The following DCAF10 variants were observed in gnomAD, a reference collection of about 807,000 sequenced individuals.
DCAF10 encodes the protein DDB1 and CUL4 associated factor 10.
In DCAF10, 19 loss-of-function variants were observed where a neutral mutation model predicts 51.9. The ratio of observed to expected loss-of-function variants is 0.37; its 90% CI spans 0.26 to 0.54. The LOEUF (loss-of-function observed/expected upper bound fraction) is 0.54, where lower values mean the gene tolerates loss of function less well. DCAF10 is among the 20% of genes least tolerant of loss of function. The pLI is 0.87. For missense variants in DCAF10, 510 were observed against 730.6 expected (o/e 0.70, Z 3.48); for synonymous variants, 291 against 297.1 (o/e 0.98, Z 0.21).
chr9:37,840,529 A>G (rs1422226181), intron 2 of DCAF10, among the ~76,000 whole-genome samples: 1 of 149,570 alleles, frequency 6.7e-6, no homozygotes, highest in Non-Finnish European at 1.5e-5. Flanking sequence ...GGCTATAAAG[A>G]AAGAAAATAT....
At chr9:37,822,262 C>T (rs564233175) in intron 2 of DCAF10, among the ~76,000 whole-genome samples, 1 of 152,168 alleles carries the variant, frequency 6.6e-6, no homozygotes, top group East Asian at 1.9e-4. Flanking sequence ...AATTCCACTA[C>T]TGGGTATCTA....
In DCAF10 at chr9:37,801,961, C is replaced by T. The variant is rs1017168813; in HGVS notation, c.539+556C>T. 7.2e-5 allele frequency among the ~76,000 whole-genome samples: 11 copies of T among 152,160 alleles called. No individual in the cohort carries two copies. The highest frequency in any genetic ancestry group is 6.5e-4 in the Admixed American group (10 of 15,278). On this transcript the variant is annotated intron_variant, in intron 1 of 6. Coordinates refer to ENST00000377724, the MANE Select transcript of DCAF10 (RefSeq NM_024345.5). The surrounding 1 kb of genome is among the most constrained non-coding windows in gnomAD (Gnocchi z 5.5). The stretch of plus-strand genomic sequence containing the variant: ...GTGAAGTCCCCAGGCTAGACTACAG[C>T]CTTTTTCTTGGCTGATTAAATATTT...
chr9:37,824,596 A>G (rs1402326372), intron 2 of DCAF10, among the ~76,000 whole-genome samples: 1 of 152,090 alleles, frequency 6.6e-6, no homozygotes, highest in Non-Finnish European at 1.5e-5. Flanking sequence ...TGATAAATAG[A>G]ATATAGAAAA....
rs372584446 is a variant in DCAF10, at chr9:37,834,794, C to CTTTTTTTTTTT, written c.654-7294_654-7284dup. 5.5e-5 allele frequency among the ~76,000 whole-genome samples: 8 copies of CTTTTTTTTTTT among 144,258 alleles called. 1 individual carries two copies. The highest frequency in any genetic ancestry group is 1.5e-4 in the African/African-American group (6 of 38,734). 94.6% of individuals were successfully genotyped at this position (144,258 alleles called of 152,430 possible). On this transcript the variant is annotated intron_variant, in intron 2 of 6. Coordinates refer to ENST00000377724, the MANE Select transcript of DCAF10 (RefSeq NM_024345.5). ...TGTACGTATTTTTCTCAATCACGTA[C>CTTTTTTTTTTT]TTTTTTTTTTTGAGACAGGGTTTCA...
At chr9:37,834,196 C>T (rs1003721024) in intron 2 of DCAF10, among the ~76,000 whole-genome samples, 2 of 152,082 alleles carry the variant, frequency 1.3e-5, no homozygotes, top group African/African-American at 4.8e-5. Flanking sequence ...TGTTGACCTC[C>T]CAAAGTACTG....
Position 37,861,223 on chromosome 9 carries a change from T to C in DCAF10, c.1395T>C (p.Ile465=). 6.2e-7 allele frequency: 1 copy of C among 1,614,132 alleles called. No homozygotes were observed. Residue 465 remains isoleucine, a synonymous_variant, in exon 7 of 7, where the codon ATT becomes ATC. Coordinates refer to ENST00000377724, the MANE Select transcript of DCAF10 (RefSeq NM_024345.5). The surrounding 1 kb of genome is among the most constrained non-coding windows in gnomAD (Gnocchi z 4.9). Reference sequence around the variant, plus strand: ...GTTCTCTACGACTGACTCATTACATTGAAGAAGCCAATGTAGGCAGGGGTT... The same window carrying C: ...GTTCTCTACGACTGACTCATTACATCGAAGAAGCCAATGTAGGCAGGGGTT... ...PRCSLRLTHY[I]EEANVGRGYI...
chr9:37,820,314 G>A (rs186988227), intron 2 of DCAF10, among the ~76,000 whole-genome samples: 2 of 152,202 alleles, frequency 1.3e-5, no homozygotes, highest in African/African-American at 2.4e-5. Flanking sequence ...AGTTTTAAAC[G>A]GGGCTGAAAC....
intron 1 of DCAF10, among the ~76,000 whole-genome samples, chr9:37,807,882 G>GACT (rs1829170276): frequency 6.6e-6 from 1 of 151,918 alleles, no homozygotes. Flanking sequence ...GGCTGGTCTT[G>GACT]AACTCCTGAC....
intron 1 of DCAF10, among the ~76,000 whole-genome samples, chr9:37,815,606 T>C (rs111854420): frequency 0.13 from 19,389 of 151,490 alleles, 1,404 homozygotes; most frequent in Non-Finnish European, 0.16. Context: ...GATCACGCCA[T>C]TGCACCCCAG....
intron 3 of DCAF10, among the ~76,000 whole-genome samples, chr9:37,846,991 T>C (rs1830492337): frequency 6.6e-6 from 1 of 152,000 alleles, no homozygotes; most frequent in Non-Finnish European, 1.5e-5. Flanking sequence ...TGGTGGCTCA[T>C]GCCTGTAATC....
At position 37,842,178 on chromosome 9, in the gene DCAF10, C is replaced by T. The variant is rs757086009; in HGVS notation, c.743C>T (p.Thr248Ile). 2 of 1,613,824 alleles carry T rather than the reference C, an allele frequency of 1.2e-6. No homozygotes were observed. The highest frequency in any genetic ancestry group is 2.2e-5 in the East Asian group (1 of 44,836). The stretch of plus-strand genomic sequence containing the variant: ...AGAAAATTGAACACCAAAGTATGCA[C>T]TTTACATGGTCACACTAGCTGGGTG... ...DLRKLNTKVC[T>I]LHGHTSWVKN... The change falls in exon 3 of 7, where the codon ACT becomes ATT. Residue 248 changes from threonine to isoleucine, a missense_variant. Around this residue, in one of 4 missense-constraint regions of DCAF10, gnomAD observed 126 missense variants for 271.5 expected, o/e 0.46. Coordinates refer to ENST00000377724, the MANE Select transcript of DCAF10 (RefSeq NM_024345.5).
chr9:37,848,972 CAAAAA>C lies in DCAF10; in HGVS notation c.852-5793_852-5789del, dbSNP rs11421562. On this transcript the variant is annotated intron_variant, in intron 3 of 6. Transcript: ENST00000377724. Reference sequence around the variant, plus strand: ...TGGGCGACACAGCGAGACTCTGTCTCAAAAAAAAAAAAAAAAAAACTTAATTTACA... The same window carrying C: ...TGGGCGACACAGCGAGACTCTGTCTCAAAAAAAAAAAAAACTTAATTTACA... Among the ~76,000 whole-genome samples the C allele has an allele frequency of 1.2e-4, 10 of 84,746 alleles. No individual in the cohort carries two copies. The Admixed American group carries it at 1.3e-3, about 11-fold the overall frequency. 55.6% of individuals were successfully genotyped at this position (84,746 alleles called of 152,430 possible). A position where few individuals can be genotyped will look rare whatever the true frequency, so the allele number is the denominator to read the frequency against.
Position 37,814,119 on chromosome 9 carries a change from TATATATATTTGTTG to T in DCAF10, c.540-5168_540-5155del, listed in dbSNP as rs1452933458. On this transcript the variant is annotated intron_variant, in intron 1 of 6. Transcript: ENST00000377724. Reference sequence around the variant, plus strand: ...ATATATATATATATATATATATATATATATATATTTGTTGTTGTTGTTGTTGTTGTTGTTGTTGA... The same window carrying T: ...ATATATATATATATATATATATATATTTGTTGTTGTTGTTGTTGTTGTTGA... Among the ~76,000 whole-genome samples, 3 of 88,280 alleles carry T rather than the reference TATATATATTTGTTG, an allele frequency of 3.4e-5. No individual in the cohort carries two copies. In the East Asian group the frequency reaches 9.2e-4, roughly 27 times the overall value. The allele number at this position is 88,280 out of a possible 152,430, so 57.9% of individuals were successfully genotyped here. A position where few individuals can be genotyped will look rare whatever the true frequency, so the allele number is the denominator to read the frequency against.
rs1164795991 is a variant in DCAF10, at chr9:37,801,096, C to T, written c.230C>T (p.Pro77Leu). The T allele has an allele frequency of 5.2e-6, 8 of 1,535,094 alleles. No individual in the cohort carries two copies. The highest frequency in any genetic ancestry group is 2.5e-5 in the East Asian group (1 of 39,436). Residue 77 changes from proline to leucine, a missense_variant, in exon 1 of 7, where the codon CCG (proline) becomes CTG (leucine). This residue lies in a region of DCAF10 where 251 missense variants were observed against 227.9 expected (regional missense o/e 1.10). Transcript: ENST00000377724. The surrounding 1 kb of genome is among the most constrained non-coding windows in gnomAD (Gnocchi z 5.5). ...GGAGAGCTAGGGCTGCCTGGAGCTC[C>T]GGAGTCCTCAACTGCCTCCGCCCCG... is the stretch of plus-strand genomic sequence containing the variant. ...RSGELGLPGAPESSTASAPGE... is the reference protein window; with the variant it reads ...RSGELGLPGALESSTASAPGE...
chr9:37,836,051 T>A, intron 2 of DCAF10: 1 of 1,109,950 alleles, frequency 9.0e-7, no homozygotes, highest in Non-Finnish European at 1.4e-6. Context: ...ACGGTAAGGC[T>A]GTATTGGACA....
chr9:37,859,074 T>A (rs1830937909), intron 5 of DCAF10, among the ~76,000 whole-genome samples: 2 of 152,270 alleles, frequency 1.3e-5, no homozygotes, highest in South Asian at 4.1e-4. Context: ...TCTCTAAAAT[T>A]GTTAAAGTTC....
intron 1 of DCAF10, among the ~76,000 whole-genome samples, chr9:37,802,366 A>T (rs1326498657): frequency 3.3e-5 from 5 of 152,234 alleles, no homozygotes. Flanking sequence ...GTCTTGAAGG[A>T]ATCTGTTATG....
At chr9:37,855,184 C>G (rs1301037127) in intron 4 of DCAF10, among the ~76,000 whole-genome samples, 1 of 152,070 alleles carries the variant, frequency 6.6e-6, no homozygotes, top group African/African-American at 2.4e-5. Context: ...TCATATGTAC[C>G]TCTGAATCAC....
chr9:37,828,909 T>A (rs1425144177), intron 2 of DCAF10, among the ~76,000 whole-genome samples: 1 of 152,242 alleles, frequency 6.6e-6, no homozygotes, highest in African/African-American at 2.4e-5. Context: ...GGAGAAAGTA[T>A]AGAATATAGT....
Sources: allele counts gnomAD v4.1 joint callset (sites outside exome capture counted in the v4.1 genomes callset), GRCh38; gene constraint gnomAD v4.1.1; regional missense constraint gnomAD v4.1.1; non-coding constraint Gnocchi (gnomAD v3.1); transcripts MANE v1.5; gene names NCBI Gene and HGNC (gene_info 2026-07-23, HGNC 2026-07-21).